The following FRMD6 variants were observed in gnomAD, a reference collection of about 807,000 sequenced individuals.
FRMD6 encodes the protein FERM domain containing 6.
Under a neutral mutation model 73.2 loss-of-function variants are expected in FRMD6, and 37 were observed. That is an observed-to-expected ratio of 0.51 (90% CI 0.39 to 0.66). The LOEUF (loss-of-function observed/expected upper bound fraction) is 0.66. Among genes scored for constraint, FRMD6 ranks in the 30% least tolerant of loss-of-function variants. The probability of loss-of-function intolerance (pLI) is 0.00; values close to 1 mark genes in which losing one functional copy is unlikely to be tolerated. For synonymous variants in FRMD6, 273 were observed against 282.2 expected, an observed-to-expected ratio of 0.97 and a Z score of 0.33; for missense variants, 714 against 780.5, an observed-to-expected ratio of 0.91 and a Z score of 1.02.
At chr14:51,416,685 T>C in the FRMD6 span, among the ~76,000 whole-genome samples, 1 of 152,250 alleles carries the variant, frequency 6.6e-6, no homozygotes, top group Non-Finnish European at 1.5e-5. Context: ...GTCGCAGAGC[T>C]GAGTTCAAGT....
At chr14:51,405,976 A>G in the FRMD6 span, among the ~76,000 whole-genome samples, 9 of 152,188 alleles carry the variant, frequency 5.9e-5, no homozygotes, top group African/African-American at 2.2e-4. Flanking sequence ...GGTTTTACAT[A>G]TAAGTCTTTA....
chr14:51,605,926 C>A (rs777134606), intron 2 of FRMD6, among the ~76,000 whole-genome samples: 1 of 152,190 alleles, frequency 6.6e-6, no homozygotes, highest in Non-Finnish European at 1.5e-5. Flanking sequence ...TGAACCCACT[C>A]CACTTTATTA....
rs144548245 is a variant in FRMD6 at position 51,695,077 on chromosome 14, C to T, written c.100-3065C>T. Among the ~76,000 whole-genome samples the T allele has an allele frequency of 8.9e-4, 133 of 150,052 alleles. 4 individuals carry two copies. Among genetic ancestry groups the T allele is most frequent in the African/African-American group, 3.2e-3 (126 of 39,474 alleles). ...TAACGTTATTTGGTCTACAGTCACA[C>T]GAGCCTAAAACAGTTTATTTCCTAT... On this transcript the variant is annotated intron_variant, in intron 2 of 13. Transcript: ENST00000344768.
chr14:51,648,061 G>A (rs1177109682), upstream of FRMD6, among the ~76,000 whole-genome samples: 5 of 152,172 alleles, frequency 3.3e-5, no homozygotes, highest in East Asian at 9.6e-4. Context: ...CTGACCTCAG[G>A]TGATTTGCCC....
At chr14:51,716,241 A>C (rs986552439) in intron 10 of FRMD6, among the ~76,000 whole-genome samples, 1 of 151,578 alleles carries the variant, frequency 6.6e-6, no homozygotes, top group Non-Finnish European at 1.5e-5. Context: ...GATTTCCTCC[A>C]TTTAACACAC....
chr14:51,604,984 G>A (rs1016030028), intron 2 of FRMD6, among the ~76,000 whole-genome samples: 1 of 152,094 alleles, frequency 6.6e-6, no homozygotes, highest in Non-Finnish European at 1.5e-5. Context: ...TGCGAGCTGT[G>A]ATCTCAAGAT....
intron 1 of FRMD6, among the ~76,000 whole-genome samples, chr14:51,532,477 T>A (rs1488581270): frequency 6.6e-6 from 1 of 152,156 alleles, no homozygotes; most frequent in Admixed American, 6.5e-5. Flanking sequence ...TTCATTCAGA[T>A]TGAAGAGAAA....
At chr14:51,474,606 G>A in the FRMD6 span, among the ~76,000 whole-genome samples, 2 of 152,166 alleles carry the variant, frequency 1.3e-5, no homozygotes, top group Non-Finnish European at 2.9e-5. Flanking sequence ...TGGAGCCAAG[G>A]GAGAGAGGAG....
At chr14:51,464,835 C>T in the FRMD6 span, among the ~76,000 whole-genome samples, 1 of 152,100 alleles carries the variant, frequency 6.6e-6, no homozygotes, top group Admixed American at 6.5e-5. Context: ...GGTATATATA[C>T]CTGAAGCAGG....
the FRMD6 span, among the ~76,000 whole-genome samples, chr14:51,475,643 A>G: frequency 6.6e-6 from 1 of 152,248 alleles, no homozygotes. Flanking sequence ...AAAACCTAAC[A>G]TAGATATGCT....
intron 1 of FRMD6, among the ~76,000 whole-genome samples, chr14:51,684,267 T>C (rs1895006366): frequency 6.6e-6 from 1 of 152,098 alleles, no homozygotes; most frequent in Admixed American, 6.6e-5. Flanking sequence ...TAAAGGACTC[T>C]TCAGGAACAA....
rs572145047 is a variant in FRMD6 at position 51,509,773 on chromosome 14, C to T, written c.-210+20353C>T. The stretch of plus-strand genomic sequence containing the variant: ...TTTTGGGTAGCTGGGATTACAGGCA[C>T]CTGCCACCACGCCCGGCTAATTTTT... On this transcript the variant is annotated intron_variant, in intron 1 of 14. Coordinates refer to the FRMD6 transcript ENST00000356218. 2.6e-5 allele frequency among the ~76,000 whole-genome samples: 4 copies of T among 151,998 alleles called. No individual in the cohort carries two copies. In the South Asian group the frequency reaches 8.3e-4, roughly 32 times the overall value.
intron 1 of FRMD6, chr14:51,565,317 T>C (rs1428663623): frequency 6.6e-6 from 1 of 152,278 alleles, no homozygotes; most frequent in Admixed American, 6.5e-5. Flanking sequence ...GGCTTACACG[T>C]GCCGAATACT....
At chr14:51,646,358 C>A (rs1892073781) in intron 2 of FRMD6, among the ~76,000 whole-genome samples, 1 of 149,148 alleles carries the variant, frequency 6.7e-6, no homozygotes, top group African/African-American at 2.5e-5. Flanking sequence ...TGAAGAGAAC[C>A]TCAGTGGCCC....
intron 11 of FRMD6, among the ~76,000 whole-genome samples, 190 bp from the exon 12 acceptor site, chr14:51,721,759 G>GAGGGA (rs200736651): frequency 0.26 from 37,766 of 145,808 alleles, 6,244 homozygotes; most frequent in Non-Finnish European, 0.32. Flanking sequence ...AGGAAGGAAG[G>GAGGGA]AGGGAAGGAG....
chr14:51,646,106 CAGG>C (rs1418642223), intron 2 of FRMD6, among the ~76,000 whole-genome samples: 1 of 151,746 alleles, frequency 6.6e-6, no homozygotes, highest in African/African-American at 2.4e-5. Context: ...ATCATGAGGT[CAGG>C]AGATCGACAC....
chr14:51,704,832 A>G lies in FRMD6; in HGVS notation c.455A>G (p.Tyr152Cys), dbSNP rs1896530302. 2 of 1,613,436 alleles carry G rather than the reference A, an allele frequency of 1.2e-6. No homozygotes were observed. The highest frequency in any genetic ancestry group is 1.1e-5 in the South Asian group (1 of 91,030). ...CAGTGTGTGCTCCGAGAGGAGGCCT[A>G]CTTCCTGCTGGCAGCCTTTGCCCTG... ...HSQCVLREEAYFLLAAFALQA... is the reference protein window; with the variant it reads ...HSQCVLREEACFLLAAFALQA... Residue 152 changes from tyrosine to cysteine, a missense_variant, in exon 6 of 14, where the codon TAC (tyrosine) becomes TGC (cysteine). Physicochemically the swap from Tyr to Cys is radical, Grantham distance 194. Coordinates refer to ENST00000344768, the MANE Select transcript of FRMD6 (RefSeq NM_001267046.2).
In FRMD6 at chr14:51,672,488, C is replaced by A. The variant is rs145901418; in HGVS notation, c.-146-17203C>A. On this transcript the variant is annotated intron_variant, in intron 1 of 13. Transcript: ENST00000344768. ...ATCTTAAAAATCTTCAAAGGGCACC[C>A]ATTTTTCTTCAATTAAAAATGTAAA... 2.2e-4 allele frequency among the ~76,000 whole-genome samples: 34 copies of A among 152,240 alleles called. No individual in the cohort carries two copies. The East Asian group carries it at 5.0e-3, about 22-fold the overall frequency.
chr14:51,624,850 T>C (rs1280895109), intron 2 of FRMD6, among the ~76,000 whole-genome samples: 1 of 152,122 alleles, frequency 6.6e-6, no homozygotes, highest in East Asian at 1.9e-4. Flanking sequence ...GTTGGAAAAA[T>C]GTGTCTGGAA....
Sources: gnomAD v4.1 joint callset for allele counts (sites outside exome capture counted in the v4.1 genomes callset) on GRCh38, gnomAD v4.1.1 for gene constraint, MANE v1.5 for transcripts, NCBI Gene and HGNC (gene_info 2026-07-23, HGNC 2026-07-21) for gene names.